Variants in RPS6KA2 observed in about 807,000 individuals in gnomAD.
RPS6KA2 encodes the protein ribosomal protein S6 kinase A2.
RPS6KA2 carries 42 observed loss-of-function variants against 91.8 expected under a neutral mutation model. That is an observed-to-expected ratio of 0.46 (90% confidence interval 0.36 to 0.59). The LOEUF is 0.59. Among genes scored for constraint, RPS6KA2 ranks in the 20% least tolerant of loss-of-function variants. The probability of loss-of-function intolerance (pLI) is 0.00; values close to 1 mark genes in which losing one functional copy is unlikely to be tolerated. For missense variants in RPS6KA2, 798 were observed against 978.5 expected (o/e 0.82, Z 2.46); for synonymous variants, 414 against 393.6 (o/e 1.05, Z -0.61).
chr6:166,762,399 T>C (rs1289910377), intron 2 of RPS6KA2, among the ~76,000 whole-genome samples: 1 of 152,198 alleles, frequency 6.6e-6, no homozygotes, highest in Non-Finnish European at 1.5e-5. Context: ...CATATGTGTG[T>C]GTGTGTGCAT....
At chr6:166,830,536 A>T (rs1256652301) in intron 2 of RPS6KA2, among the ~76,000 whole-genome samples, 1 of 152,218 alleles carries the variant, frequency 6.6e-6, no homozygotes, top group East Asian at 1.9e-4. Flanking sequence ...TTCTTTTTAA[A>T]AAAAGCTCAT....
chr6:166,523,112 CTG>C (rs1457835533), intron 3 of RPS6KA2, among the ~76,000 whole-genome samples: 1 of 152,122 alleles, frequency 6.6e-6, no homozygotes, highest in African/African-American at 2.4e-5. Flanking sequence ...AAATGCAACT[CTG>C]GTAATAAACA....
chr6:166,558,756 T>C (rs1435503177), intron 1 of RPS6KA2, among the ~76,000 whole-genome samples: 2 of 152,168 alleles, frequency 1.3e-5, no homozygotes, highest in African/African-American at 4.8e-5. Context: ...AGAGGCCTAA[T>C]AAAGCCCACA....
chr6:166,853,621 A>G (rs1333571501), intron 2 of RPS6KA2, among the ~76,000 whole-genome samples: 1 of 152,244 alleles, frequency 6.6e-6, no homozygotes, highest in Non-Finnish European at 1.5e-5. Context: ...CCAAAGATCC[A>G]TGCTCAGCAT....
At position 166,420,034 on chromosome 6, in the gene RPS6KA2, A is replaced by T. The variant is rs954430638; in HGVS notation, c.1744-76T>A. ...ATTGACAGCACGTTTCTCCAGCGGC[A>T]TCCTACGCCGGCAAGCTGGGGACCA... is the stretch of plus-strand genomic sequence containing the variant. On this transcript the variant is annotated intron_variant, in intron 17 of 20. Coordinates refer to ENST00000265678, the MANE Select transcript of RPS6KA2 (RefSeq NM_021135.6). The T allele has an allele frequency of 8.6e-6, 12 of 1,393,038 alleles. No individual in the cohort carries two copies. In the East Asian group the frequency reaches 1.9e-4, roughly 22 times the overall value. 86.3% of individuals were successfully genotyped at this position (1,393,038 alleles called of 1,614,324 possible).
intron 1 of RPS6KA2, among the ~76,000 whole-genome samples, chr6:166,625,560 A>T (rs1453255879): frequency 6.6e-6 from 1 of 152,056 alleles, no homozygotes; most frequent in Non-Finnish European, 1.5e-5. Context: ...GGAGACAAGG[A>T]GTTGTCTAAT....
intron 2 of RPS6KA2, among the ~76,000 whole-genome samples, chr6:166,759,030 T>A (rs1263839720): frequency 6.6e-6 from 1 of 152,188 alleles, no homozygotes; most frequent in Non-Finnish European, 1.5e-5. Context: ...AATGCAGAGC[T>A]GATTAAAACT....
At chr6:166,688,569 G>T (rs1299670343) in intron 2 of RPS6KA2, among the ~76,000 whole-genome samples, 1 of 152,242 alleles carries the variant, frequency 6.6e-6, no homozygotes, top group Admixed American at 6.5e-5. Context: ...GAGGATGAAA[G>T]GGTAAGAAGC....
intron 2 of RPS6KA2, among the ~76,000 whole-genome samples, chr6:166,692,290 G>A (rs1181112597): frequency 1.3e-5 from 2 of 152,120 alleles, no homozygotes; most frequent in African/African-American, 4.8e-5. Context: ...AGCAAACAGC[G>A]CTTATCCTCC....
intron 2 of RPS6KA2, among the ~76,000 whole-genome samples, chr6:166,684,195 A>C (rs536221328): frequency 6.6e-6 from 1 of 152,236 alleles, no homozygotes; most frequent in East Asian, 1.9e-4. Flanking sequence ...ACAGGGACGG[A>C]GGTCAGGGGA....
chr6:166,548,424 A>C (rs2157484), intron 1 of RPS6KA2, among the ~76,000 whole-genome samples: 1 of 151,696 alleles, frequency 6.6e-6, no homozygotes, highest in Non-Finnish European at 1.5e-5. Flanking sequence ...GGGAGGAATC[A>C]CTCTACAGAT....
intron 2 of RPS6KA2, among the ~76,000 whole-genome samples, chr6:166,712,868 C>G (rs559391060): frequency 6.6e-6 from 1 of 152,360 alleles, no homozygotes; most frequent in Admixed American, 6.5e-5. Flanking sequence ...CTTTCTCTTC[C>G]TTAGTGCTAC....
rs1358318184 is a variant in RPS6KA2, at chr6:166,563,307, G to T, written c.100-24523C>A. On this transcript the variant is annotated intron_variant, in intron 1 of 20. Transcript: ENST00000265678. This position sits in a 1 kb window ranked among gnomAD's most constrained non-coding sequence, Gnocchi z 4.1. ...GCCCCAGCGGGAAGCACTCGGAGGA[G>T]CGGGGGCCAACCCGGAATCAGCCTC... Among the ~76,000 whole-genome samples the T allele has an allele frequency of 6.6e-6, 1 of 152,222 alleles. No individual in the cohort carries two copies. The highest frequency in any genetic ancestry group is 1.5e-5 in the Non-Finnish European group (1 of 68,032).
At chr6:166,613,927 A>G (rs1786298553) in intron 1 of RPS6KA2, among the ~76,000 whole-genome samples, 1 of 152,074 alleles carries the variant, frequency 6.6e-6, no homozygotes, top group Non-Finnish European at 1.5e-5. Context: ...TTCCTCCCCA[A>G]GGCCCCAAGA....
At chr6:166,436,499 C>T (rs990079301) in intron 14 of RPS6KA2, among the ~76,000 whole-genome samples, 2 of 152,176 alleles carry the variant, frequency 1.3e-5, no homozygotes, top group Non-Finnish European at 1.5e-5. Flanking sequence ...GGGTCAGTCA[C>T]AGGACCAGAA....
chr6:166,606,070 G>A (rs1028274808), intron 1 of RPS6KA2, among the ~76,000 whole-genome samples: 3 of 152,200 alleles, frequency 2.0e-5, no homozygotes, highest in Non-Finnish European at 2.9e-5. Context: ...GTAGGACTGC[G>A]GGGCTGCACA....
At chr6:166,468,319 T>C (rs1780616156) in intron 11 of RPS6KA2, among the ~76,000 whole-genome samples, 2 of 152,228 alleles carry the variant, frequency 1.3e-5, no homozygotes, top group African/African-American at 4.8e-5. Flanking sequence ...CACTCTTTTC[T>C]CTAATCTTAC....
intron 2 of RPS6KA2, among the ~76,000 whole-genome samples, chr6:166,759,534 C>T (rs958563446): frequency 6.6e-6 from 1 of 152,186 alleles, no homozygotes; most frequent in Non-Finnish European, 1.5e-5. Flanking sequence ...CACGAAATTT[C>T]GTCTCTGTGA....
rs1779351514 is a variant in RPS6KA2 at position 166,437,190 on chromosome 6, C to G, written c.1333-4700G>C. Among the ~76,000 whole-genome samples, 1 of 152,070 alleles carries G rather than the reference C, an allele frequency of 6.6e-6. No individual in the cohort carries two copies. The highest frequency in any genetic ancestry group is 2.4e-5 in the African/African-American group (1 of 41,396). On this transcript the variant is annotated intron_variant, in intron 14 of 20. Coordinates refer to ENST00000265678, the MANE Select transcript of RPS6KA2 (RefSeq NM_021135.6). The surrounding 1 kb of genome is among the most constrained non-coding windows in gnomAD (Gnocchi z 4.3). ...TGCGGGCAGCCGGGGTTTGGACACA[C>G]TGTTTAGGAGCACCAGGGAGTGGGC...
Sources: gnomAD v4.1 joint callset for allele counts (sites outside exome capture counted in the v4.1 genomes callset) on GRCh38, gnomAD v4.1.1 for gene constraint, Gnocchi (gnomAD v3.1) non-coding constraint, MANE v1.5 for transcripts, NCBI Gene and HGNC (gene_info 2026-07-23, HGNC 2026-07-21) for gene names.